MAPKBP1: variants seen among roughly 807,000 people sequenced by gnomAD.
MAPKBP1 encodes mitogen-activated protein kinase-binding protein 1.
A neutral mutation model predicts 170.5 loss-of-function variants in MAPKBP1; 71 were observed. The ratio of observed to expected loss-of-function variants is 0.42; its 90% CI spans 0.34 to 0.51. The LOEUF (loss-of-function observed/expected upper bound fraction) is 0.51. MAPKBP1 is among the 20% of genes least tolerant of loss of function. The pLI is 0.06. For missense variants in MAPKBP1, 1,598 were observed against 1,933.0 expected (o/e 0.83, Z 3.25); for synonymous variants, 719 against 757.9 (o/e 0.95, Z 0.84).
intron 2 of MAPKBP1, among the ~76,000 whole-genome samples, chr15:41,795,531 T>G (rs958699816): frequency 1.3e-5 from 2 of 152,060 alleles, no homozygotes; most frequent in African/African-American, 4.8e-5. Context: ...TTGAGGGAGA[T>G]GGGAAGCCAT....
chr15:41,815,943 A>C (rs1833288709), intron 12 of MAPKBP1, 144 bp downstream of exon 12: 13 of 790,984 alleles, frequency 1.6e-5, no homozygotes, highest in Non-Finnish European at 2.4e-5. Context: ...ACAATGAGTA[A>C]ACCTAGCAGA....
At position 41,824,381 on chromosome 15, in the gene MAPKBP1, T is replaced by A. The variant is rs1035847580; in HGVS notation, c.4214-103T>A. 1.8e-5 allele frequency: 19 copies of A among 1,064,802 alleles called. No individual in the cohort carries two copies. In the African/African-American group the frequency reaches 2.4e-4, roughly 13 times the overall value. 66.0% of individuals were successfully genotyped at this position (1,064,802 alleles called of 1,614,324 possible). On this transcript the variant is annotated intron_variant, in intron 29 of 30. Transcript: ENST00000457542. Reference sequence around the variant, plus strand: ...GAAGGGACTGAGGGCAAGTGGGGGGTGCAATGCTGAGGGCTAGGTCTCTCC... The same window carrying A: ...GAAGGGACTGAGGGCAAGTGGGGGGAGCAATGCTGAGGGCTAGGTCTCTCC...
chr15:41,822,665 C>T lies in MAPKBP1; in HGVS notation c.3302C>T (p.Thr1101Ile), dbSNP rs2065019860. The T allele has an allele frequency of 6.2e-7, 1 of 1,613,950 alleles. No individual in the cohort carries two copies. Among genetic ancestry groups the T allele is most frequent in the Non-Finnish European group, 8.5e-7 (1 of 1,179,978 alleles). ...TCACGATTCCTGTTGCAAGTACAGA[C>T]CCGCCCACTCAGGTACAGAGGCCCC... ...ISSRFLLQVQ[T>I]RPLREPSPSS... Residue 1101 changes from threonine (T) to isoleucine (I), a missense_variant, in exon 27 of 31, where the codon ACC (threonine) becomes ATC (isoleucine). By Grantham distance (89) the Thr-to-Ile change is moderately conservative (BLOSUM62 -1). This residue lies in a region of MAPKBP1 where 942 missense variants were observed against 953.2 expected (regional missense o/e 0.99). Transcript: ENST00000457542.
At chr15:41,814,760 G>T (rs750863072) in intron 10 of MAPKBP1, 21 bp downstream of exon 10, 6 of 1,611,992 alleles carry the variant, frequency 3.7e-6, no homozygotes, top group Non-Finnish European at 5.1e-6. Context: ...TGGCTGGCTG[G>T]CTGGAGACTG....
intron 2 of MAPKBP1, among the ~76,000 whole-genome samples, chr15:41,790,233 G>A (rs2064371435): frequency 6.6e-6 from 1 of 152,172 alleles, no homozygotes; most frequent in Non-Finnish European, 1.5e-5. Flanking sequence ...ACCCAAGAGA[G>A]GCTAAAATTG....
At position 41,823,098 on chromosome 15, in the gene MAPKBP1, C is replaced by T. The variant is rs1403249155; in HGVS notation, c.3474C>T (p.Ala1158=). 3.1e-6 allele frequency: 5 copies of T among 1,613,918 alleles called. No individual in the cohort carries two copies. The highest frequency in any genetic ancestry group is 4.2e-6 in the Non-Finnish European group (5 of 1,180,000). ...GCAACCCCAGCCCCCAGCAGGCAGC[C>T]TCTGTGCTGTTGCCACGATGCCGTC... ...SSGNPSPQQA[A]SVLLPRCRLN... The change falls in exon 28 of 31, where the codon GCC becomes GCT. Residue 1158 remains alanine (A), a synonymous_variant. Transcript: ENST00000457542.
intron 2 of MAPKBP1, among the ~76,000 whole-genome samples, chr15:41,784,448 C>T (rs966598612): frequency 6.6e-6 from 1 of 151,892 alleles, no homozygotes; most frequent in Non-Finnish European, 1.5e-5. Context: ...CAAGACTGGC[C>T]TGGGCAACAT....
At position 41,812,619 on chromosome 15, in the gene MAPKBP1, A is replaced by G; in HGVS notation, c.602A>G (p.Lys201Arg). 1 of 1,613,062 alleles carries G rather than the reference A, an allele frequency of 6.2e-7. No individual in the cohort carries two copies. The highest frequency in any genetic ancestry group is 8.5e-7 in the Non-Finnish European group (1 of 1,179,272). The change falls in exon 7 of 31, where the codon AAA (lysine) becomes AGA (arginine). Residue 201 changes from lysine to arginine, a missense_variant. Lys to Arg is a conservative substitution (Grantham distance 26, BLOSUM62 2). Around this residue, in one of 6 missense-constraint regions of MAPKBP1, gnomAD observed 430 missense variants for 617.2 expected, o/e 0.70. Transcript: ENST00000457542. Reference sequence around the variant, plus strand: ...GTCACTGCAGGCAACCGACACATCAAATTCTGGTATCTCGATGACAGCAAG... The same window carrying G: ...GTCACTGCAGGCAACCGACACATCAGATTCTGGTATCTCGATGACAGCAAG... ...YFVTAGNRHI[K>R]FWYLDDSKTS...
rs751705108 is a variant in MAPKBP1, at chr15:41,817,766, A to G, written c.1904+31A>G. On this transcript the variant is annotated intron_variant, in intron 16 of 30. Coordinates refer to ENST00000457542, the MANE Select transcript of MAPKBP1 (RefSeq NM_014994.3). The surrounding 1 kb of genome is among the most constrained non-coding windows in gnomAD (Gnocchi z 4.2). The stretch of plus-strand genomic sequence containing the variant: ...CGTCCCCTCCTCAGACTCTGCCCAC[A>G]TTCCTTCATCTCCCTACGGGGTCAG... 1 of 1,606,156 alleles carries G rather than the reference A, an allele frequency of 6.2e-7. No individual in the cohort carries two copies. Among genetic ancestry groups the G allele is most frequent in the Non-Finnish European group, 8.5e-7 (1 of 1,176,270 alleles).
At chr15:41,824,385 A>G (rs1403569742) in intron 29 of MAPKBP1, 99 bp from the exon 30 acceptor site, 7 of 1,142,730 alleles carry the variant, frequency 6.1e-6, no homozygotes, top group African/African-American at 1.5e-5. Flanking sequence ...GGGGGGTGCA[A>G]TGCTGAGGGC....
chr15:41,812,203 C>T lies in MAPKBP1; in HGVS notation c.498+76C>T. The stretch of plus-strand genomic sequence containing the variant: ...GCTGGGGAGGCAAGAGACTGCTGAC[C>T]TGCACTGCTCCATTCCACCCCACTG... On this transcript the variant is annotated intron_variant, in intron 6 of 30. Transcript: ENST00000457542. The T allele has an allele frequency of 3.2e-6, 5 of 1,544,632 alleles. No homozygotes were observed. The Admixed American group carries it at 5.1e-5, about 16-fold the overall frequency.
intron 3 of MAPKBP1, among the ~76,000 whole-genome samples, chr15:41,807,677 G>C (rs1309973985): frequency 3.9e-5 from 6 of 152,202 alleles, no homozygotes; most frequent in Admixed American, 1.3e-4. Context: ...TCTGGGCTCT[G>C]AATTCATGAT....
rs1026338770 is a variant in MAPKBP1 at position 41,827,716 on chromosome 15, C to T, written c.*2280C>T. On this transcript the variant is annotated 3_prime_UTR_variant, in exon 31 of 31. Transcript: ENST00000457542. ...TTGCCCCCGCCTTGTTTTGAAAGCC[C>T]CTTATTTATAACTTTTATACTTTGT... The T allele has an allele frequency of 1.1e-4, 18 of 162,874 alleles. No individual in the cohort carries two copies. Among genetic ancestry groups the T allele is most frequent in the Non-Finnish European group, 2.0e-4 (15 of 75,194 alleles). 10.1% of individuals were successfully genotyped at this position (162,874 alleles called of 1,614,324 possible).
intron 3 of MAPKBP1, among the ~76,000 whole-genome samples, chr15:41,801,773 C>T (rs1274325546): frequency 6.6e-6 from 1 of 152,024 alleles, no homozygotes; most frequent in African/African-American, 2.4e-5. Flanking sequence ...TCACTTGAAC[C>T]CAGGAGGTGG....
At position 41,814,736 on chromosome 15, in the gene MAPKBP1, G is replaced by A. The variant is rs141101616; in HGVS notation, c.1167G>A (p.Val389=). Reference sequence around the variant, plus strand: ...ATCATTCTTCCTGCGTCTGGAGTGTGGAGGTATGTGGGCTGGCTGGCTGGC... The same window carrying A: ...ATCATTCTTCCTGCGTCTGGAGTGTAGAGGTATGTGGGCTGGCTGGCTGGC... ...ALYHSSCVWS[V]EVYPEVKDSN... is the part of the protein sequence containing the mutation. Residue 389 remains valine, a synonymous_variant, in exon 10 of 31, where the codon GTG becomes GTA. Transcript: ENST00000457542. The A allele has an allele frequency of 1.2e-6, 2 of 1,613,784 alleles. No homozygotes were observed. Among genetic ancestry groups the A allele is most frequent in the East Asian group, 2.2e-5 (1 of 44,892 alleles).
At chr15:41,779,245 C>G (rs1019597984) in intron 2 of MAPKBP1, among the ~76,000 whole-genome samples, 6 of 152,160 alleles carry the variant, frequency 3.9e-5, no homozygotes, top group African/African-American at 1.4e-4. Flanking sequence ...GAGTCTTGCT[C>G]TGTTGCCCAG....
At chr15:41,775,500 A>G in intron 2 of MAPKBP1, 111 bp downstream of exon 2, 6 of 783,600 alleles carry the variant, frequency 7.7e-6, no homozygotes, top group South Asian at 1.6e-5. Flanking sequence ...TGTTGACTCT[A>G]AAGGATCACA....
Position 41,818,155 on chromosome 15 carries a change from T to G in MAPKBP1, c.1981-39T>G. 3.8e-6 allele frequency: 6 copies of G among 1,598,664 alleles called. No individual in the cohort carries two copies. The highest frequency in any genetic ancestry group is 4.3e-6 in the Non-Finnish European group (5 of 1,165,952). ...GGTGCTGGGTGGGAGGGACTGGTAC[T>G]TCCCATGTCCTCCAGCTGCACACCC... is the stretch of plus-strand genomic sequence containing the variant. On this transcript the variant is annotated intron_variant, in intron 17 of 30. Transcript: ENST00000457542. This position sits in a 1 kb window ranked among gnomAD's most constrained non-coding sequence, Gnocchi z 5.2.
intron 10 of MAPKBP1, 114 bp downstream of exon 10, chr15:41,814,853 T>G (rs1437514882): frequency 1.5e-6 from 2 of 1,320,086 alleles, no homozygotes; most frequent in Admixed American, 3.8e-5. Context: ...CCTCCCTGTT[T>G]CTCCAGTGAC....
Sources: gnomAD v4.1 joint callset for allele counts (sites outside exome capture counted in the v4.1 genomes callset) on GRCh38, gnomAD v4.1.1 for gene constraint, gnomAD v4.1.1 regional missense constraint, Gnocchi (gnomAD v3.1) non-coding constraint, MANE v1.5 for transcripts, NCBI Gene and HGNC (gene_info 2026-07-23, HGNC 2026-07-21) for gene names.